The following FHOD3 variants were observed in gnomAD, a reference collection of about 807,000 sequenced individuals.
FHOD3 encodes FH1/FH2 domain-containing protein 3.
FHOD3 carries 90 observed loss-of-function variants against 173.0 expected under a neutral mutation model. The ratio of observed to expected loss-of-function variants is 0.52; its 90% CI spans 0.44 to 0.62. The LOEUF (loss-of-function observed/expected upper bound fraction) is 0.62. Ranked by LOEUF, FHOD3 falls within the 20% of genes least tolerant of loss-of-function variation. FHOD3 has a pLI of 0.00. For missense variants in FHOD3, 1,945 were observed against 2,034.7 expected (o/e 0.96, Z 0.85); for synonymous variants, 828 against 823.0 (o/e 1.01, Z -0.10).
At chr18:36,390,327 A>C (rs1357643946) in intron 3 of FHOD3, among the ~76,000 whole-genome samples, 6 of 152,090 alleles carry the variant, frequency 3.9e-5, no homozygotes, top group African/African-American at 1.4e-4. Context: ...GCTAAATTAA[A>C]ACTGGAGGTG....
In FHOD3 at chr18:36,740,766, G is replaced by A; in HGVS notation, c.3687G>A (p.Leu1229=). 1 of 1,614,040 alleles carries A rather than the reference G, an allele frequency of 6.2e-7. No homozygotes were observed. The highest frequency in any genetic ancestry group is 1.7e-5 in the Admixed American group (1 of 59,998). The change falls in exon 21 of 29, where the codon CTG becomes CTA. Residue 1229 remains leucine (L), a synonymous_variant. Coordinates refer to ENST00000590592, the MANE Select transcript of FHOD3 (RefSeq NM_001281740.3). ...GTGCAGAGCAGTTCCTCCTCACCCTGTCCTCCATCAGCGAGCTCTCTGCAC... is the reference window on the plus strand; with the variant it reads ...GTGCAGAGCAGTTCCTCCTCACCCTATCCTCCATCAGCGAGCTCTCTGCAC... The part of the protein sequence containing the change: ...LGSAEQFLLT[L]SSISELSARL...
chr18:36,568,545 G>A (rs1565978), intron 5 of FHOD3, among the ~76,000 whole-genome samples: 111,814 of 151,568 alleles, frequency 0.74, 41,400 homozygotes, highest in Admixed American at 0.77. Context: ...CAGCATAGCA[G>A]TGACTTTGAG....
rs377570136 is a variant in FHOD3, at chr18:36,391,877, A to T, written c.337+19133A>T. ...CCCTGTGTCTGCTGACTCCTACTCA[A>T]TTCTTAGGCTCTGCTCAAATGTCTC... On this transcript the variant is annotated intron_variant, in intron 3 of 28. Coordinates refer to ENST00000590592, the MANE Select transcript of FHOD3 (RefSeq NM_001281740.3). 3.3e-5 allele frequency among the ~76,000 whole-genome samples: 5 copies of T among 152,148 alleles called. No homozygotes were observed. In the East Asian group the frequency reaches 7.8e-4, roughly 24 times the overall value.
At chr18:36,747,276 G>A (rs928940853) in intron 24 of FHOD3, 141 bp downstream of exon 24, 54 of 519,954 alleles carry the variant, frequency 1.0e-4, no homozygotes, top group Non-Finnish European at 1.1e-4. Context: ...TGATACAGAT[G>A]TTTAACAGTT....
chr18:36,308,580 C>T (rs1362983139), intron 1 of FHOD3, among the ~76,000 whole-genome samples: 1 of 152,174 alleles, frequency 6.6e-6, no homozygotes, highest in Non-Finnish European at 1.5e-5. Flanking sequence ...CTAGGCTTTC[C>T]TGGCCATCCC....
At chr18:36,736,834 G>A (rs2041658715) in intron 20 of FHOD3, among the ~76,000 whole-genome samples, 1 of 152,178 alleles carries the variant, frequency 6.6e-6, no homozygotes, top group African/African-American at 2.4e-5. Context: ...GCTTGAGGGT[G>A]GGGCCTTTGC....
chr18:36,371,403 G>A (rs1431694885), intron 2 of FHOD3, among the ~76,000 whole-genome samples: 1 of 152,168 alleles, frequency 6.6e-6, no homozygotes, highest in Non-Finnish European at 1.5e-5. Context: ...AAGAGCAAAG[G>A]CACATCTTAC....
At chr18:36,354,675 G>T (rs947589267) in intron 1 of FHOD3, among the ~76,000 whole-genome samples, 1 of 152,044 alleles carries the variant, frequency 6.6e-6, no homozygotes, top group Non-Finnish European at 1.5e-5. Flanking sequence ...GCATGGTGGT[G>T]GGTGCCTGTA....
intron 10 of FHOD3, among the ~76,000 whole-genome samples, chr18:36,632,741 G>A (rs1198198953): frequency 6.6e-6 from 1 of 152,158 alleles, no homozygotes; most frequent in Non-Finnish European, 1.5e-5. Flanking sequence ...CAATGGAAGA[G>A]GTAGGGATGG....
chr18:36,725,781 A>G (rs1258846219), intron 19 of FHOD3, among the ~76,000 whole-genome samples: 1 of 152,204 alleles, frequency 6.6e-6, no homozygotes, highest in Non-Finnish European at 1.5e-5. Flanking sequence ...CTGATTCCAT[A>G]TTAAAAATGG....
intron 1 of FHOD3, among the ~76,000 whole-genome samples, chr18:36,350,737 A>T (rs2046084593): frequency 6.6e-6 from 1 of 152,202 alleles, no homozygotes; most frequent in Admixed American, 6.5e-5. Flanking sequence ...CTGTAGGGAA[A>T]GTTTTGATAT....
intron 5 of FHOD3, among the ~76,000 whole-genome samples, chr18:36,564,120 C>T (rs367812080): frequency 2.6e-5 from 4 of 152,126 alleles, no homozygotes; most frequent in African/African-American, 7.2e-5. Context: ...AACACATGAG[C>T]GCGAATGAGA....
intron 17 of FHOD3, among the ~76,000 whole-genome samples, chr18:36,698,513 C>T (rs544167008): frequency 1.3e-5 from 2 of 152,142 alleles, no homozygotes; most frequent in South Asian, 2.1e-4. Context: ...TAGCTTGAAC[C>T]CAGGAGTTCA....
At chr18:36,502,367 T>G (rs1248775205) in intron 4 of FHOD3, among the ~76,000 whole-genome samples, 1 of 152,102 alleles carries the variant, frequency 6.6e-6, no homozygotes, top group Non-Finnish European at 1.5e-5. Context: ...TCATCTACAT[T>G]AGGTATTTCT....
intron 9 of FHOD3, among the ~76,000 whole-genome samples, chr18:36,613,190 A>G (rs1048542301): frequency 2.6e-5 from 4 of 152,216 alleles, no homozygotes; most frequent in African/African-American, 9.6e-5. Context: ...ACTCCTGCCT[A>G]TCACCAGTCT....
intron 5 of FHOD3, among the ~76,000 whole-genome samples, chr18:36,520,533 G>A (rs1441395945): frequency 6.6e-6 from 1 of 152,102 alleles, no homozygotes; most frequent in Non-Finnish European, 1.5e-5. Flanking sequence ...CTCCTTCTTA[G>A]GTTGATTAGA....
chr18:36,768,943 G>A (rs1263990355), intron 27 of FHOD3, among the ~76,000 whole-genome samples: 2 of 152,164 alleles, frequency 1.3e-5, no homozygotes, highest in Non-Finnish European at 2.9e-5. Flanking sequence ...GACCTGGCAG[G>A]TAAAGACAAC....
At chr18:36,756,981 T>C (rs1241556842) in intron 25 of FHOD3, among the ~76,000 whole-genome samples, 1 of 152,196 alleles carries the variant, frequency 6.6e-6, no homozygotes, top group African/African-American at 2.4e-5. Context: ...TTATTCATAG[T>C]ATTATTTTTG....
In FHOD3 at chr18:36,718,316, TGATGTCCTA is replaced by T. The variant is rs777890964; in HGVS notation, c.3024_3032del (p.Leu1009_Val1011del). 6.2e-7 allele frequency: 1 copy of T among 1,614,054 alleles called. No homozygotes were observed. Among genetic ancestry groups the T allele is most frequent in the East Asian group, 2.2e-5 (1 of 44,876 alleles). ...CTGACCTGGGGGAGGAGGATGACAT[TGATGTCCTA>T]GATGTGGACCTGGGTCACAGGGAGG... On this transcript the variant is annotated inframe_deletion, in exon 19 of 29. Coordinates refer to ENST00000590592, the MANE Select transcript of FHOD3 (RefSeq NM_001281740.3).
Sources: allele counts gnomAD v4.1 joint callset (sites outside exome capture counted in the v4.1 genomes callset), GRCh38; gene constraint gnomAD v4.1.1; transcripts MANE v1.5; gene names NCBI Gene and HGNC (gene_info 2026-07-23, HGNC 2026-07-21).